The following RTTN variants were observed in gnomAD, a reference collection of about 807,000 sequenced individuals.
The protein encoded by RTTN is rotatin.
RTTN carries 182 observed loss-of-function variants against 269.2 expected under a neutral mutation model. That is an observed-to-expected ratio of 0.68 (90% CI 0.60 to 0.76). The LOEUF (loss-of-function observed/expected upper bound fraction) is 0.76, where lower values mean the gene tolerates loss of function less well. Among genes scored for constraint, RTTN ranks in the 30% least tolerant of loss-of-function variants. The pLI is 0.00. For missense variants in RTTN, 2,545 were observed against 2,608.6 expected, an observed-to-expected ratio of 0.98 and a Z score of 0.53; for synonymous variants, 1,006 against 963.5, an observed-to-expected ratio of 1.04 and a Z score of -0.82.
intron 35 of RTTN, among the ~76,000 whole-genome samples, chr18:70,060,307 G>A (rs1000485174): frequency 6.6e-6 from 1 of 152,100 alleles, no homozygotes; most frequent in African/African-American, 2.4e-5. Flanking sequence ...AGGTCAGAAA[G>A]GGCAGAACAT....
At chr18:70,125,198 T>C (rs1236174349) in intron 25 of RTTN, among the ~76,000 whole-genome samples, 1 of 152,068 alleles carries the variant, frequency 6.6e-6, no homozygotes, top group Non-Finnish European at 1.5e-5. Context: ...CAAACTGAAA[T>C]ATACTTTTGT....
intron 7 of RTTN, among the ~76,000 whole-genome samples, chr18:70,195,627 C>T (rs143789545): frequency 1.9e-4 from 29 of 152,310 alleles, no homozygotes; most frequent in Middle Eastern, 3.4e-3. Context: ...GGATCTTATT[C>T]GTTTGTTCAG....
intron 28 of RTTN, among the ~76,000 whole-genome samples, chr18:70,102,257 C>T (rs2059189149): frequency 6.6e-6 from 1 of 152,190 alleles, no homozygotes; most frequent in Admixed American, 6.5e-5. Context: ...AATCTGGGTG[C>T]TCCTGTACTG....
chr18:70,021,680 T>C (rs893057574), intron 44 of RTTN, among the ~76,000 whole-genome samples: 7 of 152,308 alleles, frequency 4.6e-5, no homozygotes, highest in East Asian at 1.9e-4. Flanking sequence ...CCTGTACACA[T>C]ATGCTTCAAT....
chr18:70,199,304 T>C, intron 5 of RTTN, 110 bp downstream of exon 5: 1 of 641,398 alleles, frequency 1.6e-6, no homozygotes, highest in Non-Finnish European at 2.6e-6. Flanking sequence ...TGACCATTAC[T>C]ACCTTTCACT....
chr18:70,154,697 T>C (rs1270778881), intron 14 of RTTN, among the ~76,000 whole-genome samples: 3 of 152,072 alleles, frequency 2.0e-5, no homozygotes, highest in East Asian at 1.9e-4. Flanking sequence ...GGTTCTACAG[T>C]CGACATGTCA....
At chr18:70,167,515 A>C (rs1014622487) in intron 12 of RTTN, among the ~76,000 whole-genome samples, 4 of 152,172 alleles carry the variant, frequency 2.6e-5, no homozygotes, top group African/African-American at 9.6e-5. Flanking sequence ...TGAGGTCAGG[A>C]GTTCAAGACT....
chr18:70,166,219 T>A (rs2145906302), intron 13 of RTTN, 31 bp from the exon 14 acceptor site: 1 of 1,610,114 alleles, frequency 6.2e-7, no homozygotes, highest in South Asian at 1.1e-5. Context: ...CCAAGACATG[T>A]GAGGCAAGTA....
intron 32 of RTTN, among the ~76,000 whole-genome samples, chr18:70,079,579 G>GGTCTAATTGCTCTGTCTTCA (rs2058511596): frequency 6.6e-6 from 1 of 152,046 alleles, no homozygotes; most frequent in African/African-American, 2.4e-5. Flanking sequence ...AGAGCAATCA[G>GGTCTAATTGCTCTGTCTTCA]GTCTAATTGC....
At chr18:70,095,382 T>G (rs902790165) in intron 28 of RTTN, among the ~76,000 whole-genome samples, 1 of 152,234 alleles carries the variant, frequency 6.6e-6, no homozygotes, top group African/African-American at 2.4e-5. Flanking sequence ...TGACGCAGTT[T>G]CTTCATAGCA....
chr18:70,201,250 A>G (rs2061936214), intron 4 of RTTN, among the ~76,000 whole-genome samples: 2 of 152,232 alleles, frequency 1.3e-5, no homozygotes, highest in African/African-American at 4.8e-5. Context: ...AGATGGTGCC[A>G]TCGTTAAGCT....
At chr18:70,096,868 T>C (rs560138623) in intron 28 of RTTN, among the ~76,000 whole-genome samples, 1 of 152,278 alleles carries the variant, frequency 6.6e-6, no homozygotes, top group Non-Finnish European at 1.5e-5. Context: ...CAGGCAAGAA[T>C]ATTTAAGTTT....
chr18:70,204,416 T>C (rs2062026989), intron 2 of RTTN, among the ~76,000 whole-genome samples, 153 bp from the exon 3 acceptor site: 1 of 152,224 alleles, frequency 6.6e-6, no homozygotes, highest in Admixed American at 6.5e-5. Flanking sequence ...GGCACTTCCA[T>C]GAGGAGCACA....
chr18:70,110,033 G>T (rs2059421656), intron 27 of RTTN, among the ~76,000 whole-genome samples: 1 of 151,880 alleles, frequency 6.6e-6, no homozygotes, highest in African/African-American at 2.4e-5. Context: ...AACACAGTGA[G>T]ACCTCATTTC....
Position 70,024,762 on chromosome 18 carries a change from A to T in RTTN, c.5910T>A (p.Ser1970=). The T allele has an allele frequency of 6.2e-7, 1 of 1,614,080 alleles. No homozygotes were observed. Among genetic ancestry groups the T allele is most frequent in the Non-Finnish European group, 8.5e-7 (1 of 1,179,902 alleles). ...CAGTATAGACACAAAGGAGCTGCAG[A>T]GAAATTTGCATCAATGAATCATCCA... is the stretch of plus-strand genomic sequence containing the variant. ...ILMDDSLMQI[S]LQLLCVYTAN... Residue 1970 remains serine (S), a synonymous_variant, in exon 44 of 49, where the codon TCT becomes TCA. Transcript: ENST00000640769.
At chr18:70,012,231 A>G (rs111724433) in intron 46 of RTTN, among the ~76,000 whole-genome samples, 22 of 112,744 alleles carry the variant, frequency 2.0e-4, no homozygotes, top group East Asian at 5.9e-4. Context: ...CACTGGTATT[A>G]GTTACAGCAC....
intron 10 of RTTN, among the ~76,000 whole-genome samples, chr18:70,179,123 A>G (rs2061364889): frequency 6.6e-6 from 1 of 152,232 alleles, no homozygotes; most frequent in African/African-American, 2.4e-5. Context: ...AAAACTAAAA[A>G]GCAATAAATA....
At chr18:70,054,541 A>G (rs917842318) in intron 37 of RTTN, among the ~76,000 whole-genome samples, 1 of 152,212 alleles carries the variant, frequency 6.6e-6, no homozygotes, top group Non-Finnish European at 1.5e-5. Flanking sequence ...TTAAAGAAGT[A>G]AAGTCTTGGC....
At chr18:70,058,381 A>G (rs562980031) in intron 36 of RTTN, among the ~76,000 whole-genome samples, 29 of 152,130 alleles carry the variant, frequency 1.9e-4, no homozygotes, top group Non-Finnish European at 3.1e-4. Context: ...AGCTGGGTGT[A>G]GTGGCAGATG....
Sources: allele counts gnomAD v4.1 joint callset (sites outside exome capture counted in the v4.1 genomes callset), GRCh38; gene constraint gnomAD v4.1.1; transcripts MANE v1.5; gene names NCBI Gene and HGNC (gene_info 2026-07-23, HGNC 2026-07-21).